RPS6KA2: variants seen among roughly 807,000 people sequenced by gnomAD.
The protein encoded by RPS6KA2 is ribosomal protein S6 kinase A2.
In RPS6KA2, 42 loss-of-function variants were observed where a neutral mutation model predicts 91.8. The observed-to-expected ratio is 0.46, with a 90% CI of 0.36 to 0.59. The LOEUF (loss-of-function observed/expected upper bound fraction) is 0.59, where lower values mean the gene tolerates loss of function less well. Ranked by LOEUF, RPS6KA2 falls within the 20% of genes least tolerant of loss-of-function variation. The pLI is 0.00. For synonymous variants in RPS6KA2, 414 were observed against 393.6 expected (o/e 1.05, Z -0.61); for missense variants, 798 against 978.5 (o/e 0.82, Z 2.46).
chr6:166,725,648 A>T (rs7771608), intron 2 of RPS6KA2, among the ~76,000 whole-genome samples: 2 of 152,062 alleles, frequency 1.3e-5, no homozygotes, highest in African/African-American at 4.8e-5. Flanking sequence ...TGGGTGAGCC[A>T]GTGGGGGGTG....
intron 2 of RPS6KA2, among the ~76,000 whole-genome samples, chr6:166,826,345 A>G (rs1193781924): frequency 2.0e-5 from 3 of 152,210 alleles, no homozygotes; most frequent in African/African-American, 7.2e-5. Context: ...CTCACACACA[A>G]TCAATTGAAA....
At chr6:166,679,713 T>A (rs549423848) in intron 2 of RPS6KA2, among the ~76,000 whole-genome samples, 75 of 152,344 alleles carry the variant, frequency 4.9e-4, no homozygotes, top group African/African-American at 1.7e-3. Context: ...TCTCTGGGGC[T>A]GGCCGAGGCC....
Position 166,493,678 on chromosome 6 carries a change from A to T in RPS6KA2, c.748-2937T>A, listed in dbSNP as rs1781684471. ...CGGGTGCAGGCCCGATGCTTCTGGG[A>T]AGGTAATTGGACAGACATAACGCAG... is the stretch of plus-strand genomic sequence containing the variant. On this transcript the variant is annotated intron_variant, in intron 8 of 20. Transcript: ENST00000265678. This position sits in a 1 kb window ranked among gnomAD's most constrained non-coding sequence, Gnocchi z 4.7. Among the ~76,000 whole-genome samples, 1 of 151,810 alleles carries T rather than the reference A, an allele frequency of 6.6e-6. No homozygotes were observed. The highest frequency in any genetic ancestry group is 1.5e-5 in the Non-Finnish European group (1 of 68,016).
chr6:166,464,780 C>T (rs912136974), intron 11 of RPS6KA2, among the ~76,000 whole-genome samples: 1 of 152,160 alleles, frequency 6.6e-6, no homozygotes, highest in African/African-American at 2.4e-5. Flanking sequence ...ATCATTAACT[C>T]GTGGCTTCTC....
intron 2 of RPS6KA2, among the ~76,000 whole-genome samples, chr6:166,751,120 G>C (rs748856795): frequency 1.7e-4 from 26 of 152,274 alleles, no homozygotes; most frequent in Non-Finnish European, 3.5e-4. Flanking sequence ...CAGGTTCAGC[G>C]GTGAAATAGC....
At chr6:166,432,260 A>G in intron 15 of RPS6KA2, 141 bp downstream of exon 15, 1 of 645,452 alleles carries the variant, frequency 1.5e-6, no homozygotes, top group Non-Finnish European at 2.8e-6. Context: ...AGTCAGCTCC[A>G]AGTGACTGAG....
At chr6:166,583,958 G>A (rs1224974436) in intron 1 of RPS6KA2, among the ~76,000 whole-genome samples, 1 of 152,188 alleles carries the variant, frequency 6.6e-6, no homozygotes, top group Non-Finnish European at 1.5e-5. Context: ...GACCCTCTAA[G>A]GGTCAACAAA....
rs1259003296 is a variant in RPS6KA2 at position 166,445,793 on chromosome 6, A to G, written c.1332+2931T>C. On this transcript the variant is annotated intron_variant, in intron 14 of 20. Transcript: ENST00000265678. The surrounding 1 kb of genome is among the most constrained non-coding windows in gnomAD (Gnocchi z 4.5). The stretch of plus-strand genomic sequence containing the variant: ...CCGTTTGTATCCATGAGCCAGGGGT[A>G]GGTGGGATCGTATACGGCTCAAGCG... Among the ~76,000 whole-genome samples the G allele has an allele frequency of 6.6e-6, 1 of 152,206 alleles. No homozygotes were observed. Among genetic ancestry groups the G allele is most frequent in the Non-Finnish European group, 1.5e-5 (1 of 68,030 alleles).
intron 1 of RPS6KA2, among the ~76,000 whole-genome samples, chr6:166,565,446 A>T (rs916443788): frequency 6.6e-6 from 1 of 152,208 alleles, no homozygotes; most frequent in African/African-American, 2.4e-5. Flanking sequence ...CCTCCCTGGC[A>T]CCTGGCTGCA....
At chr6:166,796,833 ACAGT>A (rs1342056585) in intron 2 of RPS6KA2, among the ~76,000 whole-genome samples, 6 of 151,648 alleles carry the variant, frequency 4.0e-5, no homozygotes, top group Non-Finnish European at 5.9e-5. Flanking sequence ...CGCACGTGGC[ACAGT>A]CACACGAGTC....
intron 2 of RPS6KA2, among the ~76,000 whole-genome samples, chr6:166,686,299 G>A (rs1351700301): frequency 1.3e-5 from 2 of 152,122 alleles, no homozygotes; most frequent in East Asian, 1.9e-4. Flanking sequence ...AAAGCAACCC[G>A]ACCTCTCCTA....
At chr6:166,465,709 T>G (rs879693360) in intron 11 of RPS6KA2, among the ~76,000 whole-genome samples, 4 of 152,228 alleles carry the variant, frequency 2.6e-5, no homozygotes, top group Non-Finnish European at 5.9e-5. Context: ...CTCTTTCTGC[T>G]GGCCACTTTC....
chr6:166,817,447 AAC>A, intron 2 of RPS6KA2, among the ~76,000 whole-genome samples: 1 of 152,298 alleles, frequency 6.6e-6, no homozygotes, highest in South Asian at 2.1e-4. Context: ...GTAGAGCAGA[AAC>A]ACACAGAGAT....
At position 166,550,806 on chromosome 6, in the gene RPS6KA2, T is replaced by C. The variant is rs190033235; in HGVS notation, c.100-12022A>G. On this transcript the variant is annotated intron_variant, in intron 1 of 20. Transcript: ENST00000265678. ...TCACAAGGTCAGGAGATCGACACCA[T>C]CCTGGCTAACACGGTGAAACCCCGT... Among the ~76,000 whole-genome samples, 7 of 151,834 alleles carry C rather than the reference T, an allele frequency of 4.6e-5. No individual in the cohort carries two copies. In the East Asian group the frequency reaches 5.8e-4, roughly 13 times the overall value.
At chr6:166,417,919 G>A (rs940115398) in intron 19 of RPS6KA2, among the ~76,000 whole-genome samples, 14 of 151,512 alleles carry the variant, frequency 9.2e-5, no homozygotes, top group African/African-American at 3.4e-4. Flanking sequence ...AAACTTTTTT[G>A]TACTAAAAAT....
chr6:166,751,753 T>C (rs1295055130), intron 2 of RPS6KA2, among the ~76,000 whole-genome samples: 1 of 152,226 alleles, frequency 6.6e-6, no homozygotes, highest in Non-Finnish European at 1.5e-5. Context: ...AGTCAGCCGA[T>C]TTGGGGATTC....
intron 1 of RPS6KA2, among the ~76,000 whole-genome samples, chr6:166,860,662 C>T (rs550936250): frequency 1.2e-4 from 19 of 152,280 alleles, no homozygotes; most frequent in African/African-American, 4.3e-4. Flanking sequence ...GCCCTTCATT[C>T]GTGAGGGCTG....
Position 166,648,299 on chromosome 6 carries a change from ACG to A in RPS6KA2, c.124-109517_124-109516del, listed in dbSNP as rs1582984536. On this transcript the variant is annotated intron_variant, in intron 2 of 21. Coordinates refer to the RPS6KA2 transcript ENST00000503859. The surrounding 1 kb of genome is among the most constrained non-coding windows in gnomAD (Gnocchi z 4.8). ...ACGCATGCACACAGTATGCACACAC[ACG>A]CATGTATACACATGCACACACACAT... 1.3e-5 allele frequency among the ~76,000 whole-genome samples: 2 copies of A among 151,936 alleles called. No homozygotes were observed. Among genetic ancestry groups the A allele is most frequent in the Non-Finnish European group, 2.9e-5 (2 of 67,974 alleles).
intron 2 of RPS6KA2, among the ~76,000 whole-genome samples, chr6:166,750,371 G>A (rs539112751): frequency 4.6e-5 from 7 of 152,096 alleles, no homozygotes; most frequent in South Asian, 4.1e-4. Flanking sequence ...GTCACCCCAC[G>A]CAGTGCACGC....
Sources: gnomAD v4.1 joint callset for allele counts (sites outside exome capture counted in the v4.1 genomes callset) on GRCh38, gnomAD v4.1.1 for gene constraint, Gnocchi (gnomAD v3.1) non-coding constraint, MANE v1.5 for transcripts, NCBI Gene and HGNC (gene_info 2026-07-23, HGNC 2026-07-21) for gene names.